Variants in RGPD1 observed in about 807,000 individuals in gnomAD.
The protein encoded by RGPD1 is RANBP2-like and GRIP domain-containing protein 1.
RGPD1 carries 7 observed loss-of-function variants against 40.6 expected under a neutral mutation model. That is an observed-to-expected ratio of 0.17 (90% CI 0.10 to 0.32). RGPD1 has a LOEUF of 0.32. Ranked by LOEUF, RGPD1 falls within the 10% of genes least tolerant of loss-of-function variation. The probability of loss-of-function intolerance (pLI) is 1.00; values close to 1 mark genes in which losing one functional copy is unlikely to be tolerated. For synonymous variants in RGPD1, 24 were observed against 167.0 expected (o/e 0.14, Z 6.60); for missense variants, 50 against 472.5 (o/e 0.11, Z 8.29).
chr2:86,984,638 A>G, intron 18 of RGPD1, 116 bp from the exon 19 acceptor site: 3 of 23,220 alleles, frequency 1.3e-4, no homozygotes, highest in Non-Finnish European at 1.2e-4. Context: ...AAATTTATGT[A>G]GTTAAATCTT....
chr2:86,960,499 A>T lies in RGPD1; in HGVS notation c.779+2072A>T, dbSNP rs1052319477. Among the ~76,000 whole-genome samples the T allele has an allele frequency of 1.7e-4, 16 of 94,840 alleles. No homozygotes were observed. In the South Asian group the frequency reaches 4.0e-3, roughly 24 times the overall value. 62.2% of individuals were successfully genotyped at this position (94,840 alleles called of 152,430 possible). A position where few individuals can be genotyped will look rare whatever the true frequency, so the allele number is the denominator to read the frequency against. The stretch of plus-strand genomic sequence containing the variant: ...CTCGGCCTCCCAAAGTGTTGGGATT[A>T]CAGGCGTGAGCCACCGCGCTCAGCC... On this transcript the variant is annotated intron_variant, in intron 6 of 22. Coordinates refer to ENST00000641458, the MANE Select transcript of RGPD1 (RefSeq NM_001382344.1).
intron 1 of RGPD1, among the ~76,000 whole-genome samples, chr2:86,942,979 G>A (rs533706473): frequency 2.0e-5 from 3 of 152,004 alleles, no homozygotes; most frequent in South Asian, 2.1e-4. Context: ...CCTAGTTCTC[G>A]GGGGCTTGGG....
intron 1 of RGPD1, among the ~76,000 whole-genome samples, chr2:86,924,528 C>G (rs1267415490): frequency 6.6e-6 from 1 of 150,632 alleles, no homozygotes; most frequent in African/African-American, 2.4e-5. Flanking sequence ...TGCAGTGATG[C>G]TATCGTAGTT....
At chr2:86,941,196 C>T (rs1485193300), upstream of RGPD1, among the ~76,000 whole-genome samples, 1 of 151,846 alleles carries the variant, frequency 6.6e-6, no homozygotes, top group Non-Finnish European at 1.5e-5. Flanking sequence ...CTAAAAGGCT[C>T]TCACTATTAA....
At chr2:86,914,847 GGGCGGCGGCGGCGGCGGCGGC>G (rs1168311298) in intron 1 of RGPD1, among the ~76,000 whole-genome samples, 6 of 3,062 alleles carry the variant, frequency 2.0e-3, no homozygotes, top group African/African-American at 3.0e-3. Context: ...CGACCTGGCC[GGGCGGCGGCGGCGGCGGCGGC>G]GGCGGCGGCG....
At chr2:86,918,608 C>A (rs1402982733) in intron 1 of RGPD1, among the ~76,000 whole-genome samples, 1 of 148,142 alleles carries the variant, frequency 6.8e-6, no homozygotes, top group Non-Finnish European at 1.5e-5. Context: ...TACAGGCGCC[C>A]GCCACCACGC....
chr2:86,941,371 T>G (rs574764665), upstream of RGPD1, among the ~76,000 whole-genome samples: 175 of 150,814 alleles, frequency 1.2e-3, 1 homozygote, highest in Non-Finnish European at 2.3e-3. Flanking sequence ...TATATAGATT[T>G]GGGGGGCTAT....
upstream of RGPD1, among the ~76,000 whole-genome samples, chr2:86,941,029 C>G (rs1679703359): frequency 1.3e-5 from 2 of 150,358 alleles, no homozygotes; most frequent in Admixed American, 6.6e-5. Context: ...AATACTTGTT[C>G]ATTATATCAA....
chr2:86,939,245 C>A (rs1679555772), upstream of RGPD1, among the ~76,000 whole-genome samples: 1 of 132,254 alleles, frequency 7.6e-6, no homozygotes, highest in Admixed American at 7.5e-5. Context: ...AACTGCTTAT[C>A]CAAAAGAGAA....
At chr2:86,931,277 A>G (rs1444166175) in intron 1 of RGPD1, among the ~76,000 whole-genome samples, 1 of 151,354 alleles carries the variant, frequency 6.6e-6, no homozygotes, top group Admixed American at 6.6e-5. Context: ...CAAACTACTC[A>G]CCCCCATATT....
At chr2:86,915,392 G>A (rs1355903660) in intron 1 of RGPD1, among the ~76,000 whole-genome samples, 1 of 147,086 alleles carries the variant, frequency 6.8e-6, no homozygotes, top group Non-Finnish European at 1.5e-5. Context: ...TTGCTATAGA[G>A]ATTCCTTGCC....
chr2:86,939,578 CAAAAAA>C (rs560720648), upstream of RGPD1, among the ~76,000 whole-genome samples: 1 of 74,940 alleles, frequency 1.3e-5, no homozygotes, highest in African/African-American at 6.3e-5. Flanking sequence ...AACTCCGTCT[CAAAAAA>C]AAAAAAAAAG....
At chr2:86,914,966 T>C (rs1441074790) in intron 1 of RGPD1, among the ~76,000 whole-genome samples, 2 of 143,144 alleles carry the variant, frequency 1.4e-5, no homozygotes, top group African/African-American at 2.6e-5. Context: ...TGGCCTAAGG[T>C]ACTTCTGTTG....
chr2:86,945,646 G>A (rs927428601), intron 1 of RGPD1, among the ~76,000 whole-genome samples: 1 of 151,880 alleles, frequency 6.6e-6, no homozygotes, highest in Non-Finnish European at 1.5e-5. Context: ...AATATTCTTC[G>A]TCTGTAATCC....
chr2:86,955,057 C>G (rs1284508088), intron 4 of RGPD1, among the ~76,000 whole-genome samples: 2 of 16,644 alleles, frequency 1.2e-4, no homozygotes, highest in Non-Finnish European at 3.2e-4. Flanking sequence ...TTGGAGTTCA[C>G]TGGCGCAATC....
At chr2:86,924,690 T>C (rs1251343233) in intron 1 of RGPD1, among the ~76,000 whole-genome samples, 1 of 151,702 alleles carries the variant, frequency 6.6e-6, no homozygotes, top group Non-Finnish European at 1.5e-5. Context: ...CAGGCTGGTC[T>C]CAAACTCCTG....
In RGPD1 at chr2:86,988,452, A is replaced by C. The variant is rs184185082; in HGVS notation, c.4900+653A>C. Reference sequence around the variant, plus strand: ...TGAGACTTTGTCTCCAAAAAAAAAAAAAAAAAACAAAAAAACAAAAAAAAC... The same window carrying C: ...TGAGACTTTGTCTCCAAAAAAAAAACAAAAAAACAAAAAAACAAAAAAAAC... On this transcript the variant is annotated intron_variant, in intron 20 of 22. Coordinates refer to ENST00000641458, the MANE Select transcript of RGPD1 (RefSeq NM_001382344.1). Among the ~76,000 whole-genome samples, 210 of 103,250 alleles carry C rather than the reference A, an allele frequency of 2.0e-3. 18 individuals carry two copies. Among genetic ancestry groups the C allele is most frequent in the East Asian group, 6.2e-3 (15 of 2,428 alleles). 67.7% of individuals were successfully genotyped at this position (103,250 alleles called of 152,430 possible).
chr2:86,942,420 C>T, intron 1 of RGPD1, 112 bp downstream of exon 1: 6 of 1,181,744 alleles, frequency 5.1e-6, no homozygotes, highest in South Asian at 3.4e-5. Flanking sequence ...GCTCAGGCGT[C>T]ATGGCTCCCG....
At chr2:86,930,992 G>A (rs1379967168) in intron 1 of RGPD1, among the ~76,000 whole-genome samples, 4 of 111,080 alleles carry the variant, frequency 3.6e-5, no homozygotes, top group African/African-American at 1.5e-4. Flanking sequence ...TTTACATCAG[G>A]GAATGTATTC....
Sources: gnomAD v4.1 joint callset for allele counts (sites outside exome capture counted in the v4.1 genomes callset) on GRCh38, gnomAD v4.1.1 for gene constraint, MANE v1.5 for transcripts, NCBI Gene and HGNC (gene_info 2026-07-23, HGNC 2026-07-21) for gene names.